The following TTC29 variants were observed in gnomAD, a reference collection of about 807,000 sequenced individuals.
TTC29 encodes the protein tetratricopeptide repeat protein 29.
A neutral mutation model predicts 58.1 loss-of-function variants in TTC29; 49 were observed. The ratio of observed to expected loss-of-function variants is 0.84; its 90% confidence interval spans 0.67 to 1.07. The LOEUF is 1.07. Among genes scored for constraint, TTC29 ranks in the 50% least tolerant of loss-of-function variants. TTC29 has a pLI of 0.00. For synonymous variants in TTC29, 209 were observed against 196.8 expected (o/e 1.06, Z -0.52); for missense variants, 582 against 555.6 (o/e 1.05, Z -0.48).
intron 8 of TTC29, among the ~76,000 whole-genome samples, chr4:146,855,305 C>T (rs958452829): frequency 3.3e-5 from 5 of 151,972 alleles, no homozygotes; most frequent in African/African-American, 7.3e-5. Context: ...TGGTGGTGCA[C>T]GCCTGTAATC....
chr4:146,712,610 C>G (rs544125937), intron 11 of TTC29, among the ~76,000 whole-genome samples: 1 of 152,216 alleles, frequency 6.6e-6, no homozygotes, highest in South Asian at 2.1e-4. Context: ...TTGCCTTTAG[C>G]TACCCACTTG....
chr4:146,766,815 C>G (rs1294898884), intron 11 of TTC29, among the ~76,000 whole-genome samples: 1 of 151,968 alleles, frequency 6.6e-6, no homozygotes, highest in South Asian at 2.1e-4. Flanking sequence ...GTTAGAAGGG[C>G]TTGTAACAGG....
chr4:146,910,048 T>C (rs1296801791), intron 4 of TTC29, among the ~76,000 whole-genome samples: 1 of 152,098 alleles, frequency 6.6e-6, no homozygotes, highest in Non-Finnish European at 1.5e-5. Flanking sequence ...GTGGCTATTA[T>C]TCCATTAAAA....
At chr4:146,813,363 A>G (rs1751157040) in intron 10 of TTC29, among the ~76,000 whole-genome samples, 1 of 152,204 alleles carries the variant, frequency 6.6e-6, no homozygotes, top group Admixed American at 6.5e-5. Flanking sequence ...CTAGTTATAT[A>G]TTTTCAATTA....
intron 11 of TTC29, among the ~76,000 whole-genome samples, chr4:146,708,399 T>C (rs1742218739): frequency 6.9e-6 from 1 of 145,732 alleles, no homozygotes; most frequent in Non-Finnish European, 1.5e-5. Flanking sequence ...TATATAAACA[T>C]ATATATATAA....
intron 8 of TTC29, among the ~76,000 whole-genome samples, chr4:146,866,961 G>C (rs1730600636): frequency 6.6e-6 from 1 of 152,066 alleles, no homozygotes. Context: ...ACAAAACCTG[G>C]TTGCAAAATA....
chr4:146,784,084 C>CAT (rs1748824291), intron 11 of TTC29, among the ~76,000 whole-genome samples: 2 of 149,364 alleles, frequency 1.3e-5, no homozygotes, highest in South Asian at 2.1e-4. Context: ...ATAGTATATA[C>CAT]ATATATATAC....
intron 4 of TTC29, among the ~76,000 whole-genome samples, chr4:146,923,582 A>T (rs1734738556): frequency 6.6e-6 from 1 of 151,886 alleles, no homozygotes; most frequent in Non-Finnish European, 1.5e-5. Context: ...TCTTTGGGAT[A>T]CATTAGAATA....
chr4:146,790,866 C>A (rs1749398536), intron 11 of TTC29, among the ~76,000 whole-genome samples: 1 of 152,166 alleles, frequency 6.6e-6, no homozygotes, highest in Non-Finnish European at 1.5e-5. Context: ...AGAAATTCAC[C>A]CACCAACATG....
chr4:146,888,144 C>T lies in TTC29; in HGVS notation c.587-13216G>A, dbSNP rs753235422. On this transcript the variant is annotated intron_variant, in intron 6 of 12. Transcript: ENST00000325106. Reference sequence around the variant, plus strand: ...TGAACACAAGTGGAGTAGGTGGTTTCGTTTTTTAATCAAAGACACAAGTCC... The same window carrying T: ...TGAACACAAGTGGAGTAGGTGGTTTTGTTTTTTAATCAAAGACACAAGTCC... Among the ~76,000 whole-genome samples, 10 of 152,020 alleles carry T rather than the reference C, an allele frequency of 6.6e-5. 1 individual carries two copies. The highest frequency in any genetic ancestry group is 3.9e-4 in the East Asian group (2 of 5,188).
chr4:146,782,546 G>T lies in TTC29; in HGVS notation c.1330+20911C>A, dbSNP rs538706906. On this transcript the variant is annotated intron_variant, in intron 11 of 12. Transcript: ENST00000325106. ...GAAACTTACAGAGAAATAAGTTAGG[G>T]CATACCACATTCAATGCAATACTTA... Among the ~76,000 whole-genome samples, 78 of 151,948 alleles carry T rather than the reference G, an allele frequency of 5.1e-4. 2 individuals are homozygous for T. In the South Asian group the frequency reaches 0.016, roughly 30 times the overall value.
intron 6 of TTC29, among the ~76,000 whole-genome samples, chr4:146,891,315 C>T (rs902126977): frequency 1.3e-5 from 2 of 151,854 alleles, no homozygotes; most frequent in African/African-American, 2.4e-5. Context: ...GTTAATTACT[C>T]TTGTTTGTTT....
intron 11 of TTC29, among the ~76,000 whole-genome samples, chr4:146,755,731 C>T (rs1379377455): frequency 1.3e-5 from 2 of 151,528 alleles, no homozygotes; most frequent in Admixed American, 1.3e-4. Context: ...ATGTTATATA[C>T]CTTAGATATA....
At chr4:146,832,501 G>C (rs908967582) in intron 9 of TTC29, among the ~76,000 whole-genome samples, 9 of 152,122 alleles carry the variant, frequency 5.9e-5, no homozygotes, top group Non-Finnish European at 1.2e-4. Flanking sequence ...TATTTTTTGA[G>C]ACAGTTTCGC....
chr4:146,727,857 A>C (rs1208675583), intron 11 of TTC29, among the ~76,000 whole-genome samples: 1 of 152,242 alleles, frequency 6.6e-6, no homozygotes, highest in Non-Finnish European at 1.5e-5. Flanking sequence ...AATAAATACG[A>C]AGGAGCATAA....
At chr4:146,824,382 C>T (rs1357196073) in intron 9 of TTC29, among the ~76,000 whole-genome samples, 1 of 152,088 alleles carries the variant, frequency 6.6e-6, no homozygotes, top group Non-Finnish European at 1.5e-5. Context: ...GTCATTGGCT[C>T]TGTTCATGTG....
chr4:146,724,389 T>TA (rs1186713246), intron 11 of TTC29, among the ~76,000 whole-genome samples: 1 of 152,082 alleles, frequency 6.6e-6, no homozygotes, highest in African/African-American at 2.4e-5. Context: ...GTTGAAATTA[T>TA]AAAAAAAGAT....
At chr4:146,730,758 C>A (rs112765146) in intron 11 of TTC29, among the ~76,000 whole-genome samples, 1 of 152,020 alleles carries the variant, frequency 6.6e-6, no homozygotes, top group Non-Finnish European at 1.5e-5. Flanking sequence ...TTTGGCGATG[C>A]GAAAGCCATT....
At chr4:146,723,239 C>A (rs1743504327) in intron 11 of TTC29, among the ~76,000 whole-genome samples, 1 of 149,586 alleles carries the variant, frequency 6.7e-6, no homozygotes, top group Non-Finnish European at 1.5e-5. Flanking sequence ...AAGAGCAAAA[C>A]TCCGTCAAAA....
Sources: allele counts gnomAD v4.1 joint callset (sites outside exome capture counted in the v4.1 genomes callset), GRCh38; gene constraint gnomAD v4.1.1; transcripts MANE v1.5; gene names NCBI Gene and HGNC (gene_info 2026-07-23, HGNC 2026-07-21).